STPG2: variants seen among roughly 807,000 people sequenced by gnomAD.
STPG2 encodes the protein sperm tail PG-rich repeat containing 2.
Under a neutral mutation model 54.2 loss-of-function variants are expected in STPG2, and 56 were observed. The ratio of observed to expected loss-of-function variants is 1.03; its 90% CI spans 0.83 to 1.29. The LOEUF is 1.29. Among genes scored for constraint, STPG2 ranks in the 50% most tolerant of loss-of-function variants. The pLI, the probability that STPG2 is intolerant of heterozygous loss-of-function variation, is 0.00. For synonymous variants in STPG2, 200 were observed against 181.8 expected (o/e 1.10, Z -0.81); for missense variants, 596 against 544.9 (o/e 1.09, Z -0.93).
intron 10 of STPG2, among the ~76,000 whole-genome samples, chr4:97,702,320 T>C (rs1364864768): frequency 2.0e-5 from 3 of 152,190 alleles, no homozygotes; most frequent in African/African-American, 7.2e-5. Flanking sequence ...AACTCTATGT[T>C]CCTTTCAACA....
chr4:97,620,680 T>C, intron 10 of STPG2, among the ~76,000 whole-genome samples: 1 of 152,098 alleles, frequency 6.6e-6, no homozygotes, highest in Non-Finnish European at 1.5e-5. Context: ...ACTTAGATTT[T>C]CAAACAGTAA....
chr4:97,676,442 G>C (rs1722848567), intron 10 of STPG2, among the ~76,000 whole-genome samples: 1 of 151,746 alleles, frequency 6.6e-6, no homozygotes, highest in Non-Finnish European at 1.5e-5. Context: ...ATTAATTTTT[G>C]CCCAAACAAA....
intron 4 of STPG2, among the ~76,000 whole-genome samples, chr4:97,481,711 A>G (rs1408609917): frequency 6.6e-6 from 1 of 151,658 alleles, no homozygotes; most frequent in African/African-American, 2.4e-5. Context: ...GTGACATTGA[A>G]AAATTCACTT....
At chr4:97,475,196 A>G (rs1218227427) in intron 4 of STPG2, among the ~76,000 whole-genome samples, 1 of 151,898 alleles carries the variant, frequency 6.6e-6, no homozygotes, top group African/African-American at 2.4e-5. Context: ...AGTTTTTCCA[A>G]AAATACTTTA....
chr4:97,601,655 T>C (rs1474644887), intron 10 of STPG2, among the ~76,000 whole-genome samples: 1 of 151,964 alleles, frequency 6.6e-6, no homozygotes, highest in East Asian at 1.9e-4. Flanking sequence ...AGGATCCATA[T>C]ATGCATACAT....
At chr4:97,840,707 A>T in intron 9 of STPG2, 66 bp downstream of exon 9, 1 of 1,524,466 alleles carries the variant, frequency 6.6e-7, no homozygotes, top group Non-Finnish European at 8.9e-7. Flanking sequence ...CAATGATTCT[A>T]GATATTTTAA....
intron 3 of STPG2, 140 bp downstream of exon 3, chr4:98,128,288 A>G (rs1739884975): frequency 1.3e-6 from 1 of 775,388 alleles, no homozygotes; most frequent in South Asian, 2.6e-5. Flanking sequence ...TTGGGGGTCT[A>G]TTTGTTACCA....
At chr4:98,059,176 C>T (rs1737569558) in intron 5 of STPG2, among the ~76,000 whole-genome samples, 1 of 151,822 alleles carries the variant, frequency 6.6e-6, no homozygotes, top group Non-Finnish European at 1.5e-5. Context: ...ACCACTGATG[C>T]CACAGAATTA....
At chr4:97,873,736 T>A (rs141187420) in intron 8 of STPG2, among the ~76,000 whole-genome samples, 152 of 151,654 alleles carry the variant, frequency 1.0e-3, no homozygotes, top group Middle Eastern at 3.4e-3. Flanking sequence ...AAAATCATTC[T>A]ACTCCAGTGC....
intron 9 of STPG2, among the ~76,000 whole-genome samples, chr4:97,741,748 A>G (rs951491032): frequency 6.6e-6 from 1 of 151,174 alleles, no homozygotes; most frequent in African/African-American, 2.4e-5. Flanking sequence ...AAATAGGAAC[A>G]CTTTTACACT....
At chr4:98,128,721 A>C in intron 2 of STPG2, 129 bp from the exon 3 acceptor site, 1 of 761,440 alleles carries the variant, frequency 1.3e-6, no homozygotes, top group Non-Finnish European at 2.0e-6. Flanking sequence ...ATAAAACAAA[A>C]ATGTTTGTTT....
At chr4:97,700,340 T>TCC (rs2148996667) in intron 10 of STPG2, among the ~76,000 whole-genome samples, 1 of 152,264 alleles carries the variant, frequency 6.6e-6, no homozygotes, top group East Asian at 1.9e-4. Flanking sequence ...TTTGGGTCAC[T>TCC]CAACAAATGG....
downstream of STPG2, among the ~76,000 whole-genome samples, chr4:97,555,959 T>G (rs1340116116): frequency 3.9e-5 from 6 of 152,144 alleles, no homozygotes; most frequent in African/African-American, 1.4e-4. Context: ...AAGGTCTTTA[T>G]CACTCCATAA....
intron 7 of STPG2, among the ~76,000 whole-genome samples, chr4:97,946,957 C>T (rs539469171): frequency 1.3e-5 from 2 of 152,170 alleles, no homozygotes; most frequent in South Asian, 4.1e-4. Flanking sequence ...ATAGGAATTG[C>T]ATTGAATCTG....
chr4:97,989,486 A>G (rs1734944056), intron 5 of STPG2, among the ~76,000 whole-genome samples: 1 of 152,200 alleles, frequency 6.6e-6, no homozygotes, highest in African/African-American at 2.4e-5. Flanking sequence ...CATATTTTAG[A>G]CACAGAAAGA....
At chr4:97,925,941 A>G (rs922719582) in intron 8 of STPG2, among the ~76,000 whole-genome samples, 1 of 152,148 alleles carries the variant, frequency 6.6e-6, no homozygotes, top group African/African-American at 2.4e-5. Context: ...AGGCTTAATG[A>G]CGGTGGCATT....
intron 5 of STPG2, among the ~76,000 whole-genome samples, chr4:98,069,401 G>C (rs1349243135): frequency 6.6e-6 from 1 of 151,934 alleles, no homozygotes; most frequent in Non-Finnish European, 1.5e-5. Context: ...TATTTATAAA[G>C]TTTTGCCTTT....
chr4:97,577,906 G>A (rs1009377628), intron 10 of STPG2, among the ~76,000 whole-genome samples: 4 of 151,920 alleles, frequency 2.6e-5, no homozygotes, highest in Non-Finnish European at 5.9e-5. Flanking sequence ...GATCATGGAT[G>A]TTCAAAAATT....
chr4:97,675,605 G>A (rs969361544), intron 10 of STPG2, among the ~76,000 whole-genome samples: 2 of 151,944 alleles, frequency 1.3e-5, no homozygotes, highest in African/African-American at 2.4e-5. Flanking sequence ...AATAAGAGAA[G>A]GCTCTCCAGC....
Sources: allele counts gnomAD v4.1 joint callset (sites outside exome capture counted in the v4.1 genomes callset), GRCh38; gene constraint gnomAD v4.1.1; transcripts MANE v1.5; gene names NCBI Gene and HGNC (gene_info 2026-07-23, HGNC 2026-07-21).